RASSF8: variants seen among roughly 807,000 people sequenced by gnomAD.
RASSF8 encodes the protein ras association domain-containing protein 8.
RASSF8 carries 22 observed loss-of-function variants against 48.5 expected under a neutral mutation model. That is an observed-to-expected ratio of 0.45 (90% CI 0.32 to 0.65). The LOEUF is 0.65. Among genes scored for constraint, RASSF8 ranks in the 30% least tolerant of loss-of-function variants. The pLI, the probability that RASSF8 is intolerant of heterozygous loss-of-function variation, is 0.03. For synonymous variants in RASSF8, 127 were observed against 171.5 expected (o/e 0.74, Z 2.03); for missense variants, 418 against 489.2 (o/e 0.85, Z 1.37).
chr12:25,958,727 C>A lies in RASSF8; in HGVS notation c.-624C>A. On this transcript the variant is annotated 5_prime_UTR_variant, in exon 1 of 6. Transcript: ENST00000689635. ...CGAGCGGGTCGCCGACTCCTACGCC[C>A]GCGCTCCTCCTACGCCCGCGCTCGT... 6.8e-6 allele frequency: 1 copy of A among 146,830 alleles called. No individual in the cohort carries two copies. The highest frequency in any genetic ancestry group is 2.0e-4 in the South Asian group (1 of 4,978). The allele number at this position is 146,830 out of a possible 1,614,324, so 9.1% of individuals were successfully genotyped here.
rs1943954049 is a variant in RASSF8, at chr12:26,069,432, T to A, written c.*614T>A. The A allele has an allele frequency of 1.0e-6, 1 of 985,456 alleles. No homozygotes were observed. The highest frequency in any genetic ancestry group is 1.2e-6 in the Non-Finnish European group (1 of 829,914). The allele number at this position is 985,456 out of a possible 1,614,324, so 61.0% of individuals were successfully genotyped here. On this transcript the variant is annotated 3_prime_UTR_variant, in exon 6 of 6. Coordinates refer to ENST00000689635, the MANE Select transcript of RASSF8 (RefSeq NM_001394098.1). ...TTAGGTGAAATAATTCAGGGTTTTT[T>A]AAATCTGGAATTTAGTCGTTCCTTT...
At chr12:26,074,002 A>G (rs937961050), downstream of RASSF8, among the ~76,000 whole-genome samples, 1 of 151,058 alleles carries the variant, frequency 6.6e-6, no homozygotes, top group African/African-American at 2.5e-5. Flanking sequence ...AAGTATATAT[A>G]TGAGAATAAT....
intron 2 of RASSF8, among the ~76,000 whole-genome samples, chr12:26,004,054 A>C (rs1201236234): frequency 6.6e-6 from 1 of 152,040 alleles, no homozygotes; most frequent in Admixed American, 6.5e-5. Context: ...ACATATGCCT[A>C]TAGTCCCAGC....
At chr12:26,028,645 A>G (rs1435306574) in intron 2 of RASSF8, among the ~76,000 whole-genome samples, 1 of 152,234 alleles carries the variant, frequency 6.6e-6, no homozygotes, top group Non-Finnish European at 1.5e-5. Flanking sequence ...AACAGAATTG[A>G]AACAAAAGAG....
At chr12:25,980,512 G>A (rs987314037) in intron 1 of RASSF8, among the ~76,000 whole-genome samples, 15 of 152,108 alleles carry the variant, frequency 9.9e-5, no homozygotes, top group African/African-American at 2.4e-4. Flanking sequence ...GATTTTTTTC[G>A]GGGATTGAGA....
At chr12:25,965,837 G>A (rs1489044237) in intron 1 of RASSF8, among the ~76,000 whole-genome samples, 9 of 152,182 alleles carry the variant, frequency 5.9e-5, no homozygotes, top group Admixed American at 5.2e-4. Flanking sequence ...ATGGTTTGGA[G>A]ATTCATTCAT....
At chr12:25,990,875 T>C (rs973850397) in intron 1 of RASSF8, among the ~76,000 whole-genome samples, 7 of 152,182 alleles carry the variant, frequency 4.6e-5, no homozygotes, top group African/African-American at 1.7e-4. Flanking sequence ...AAACGGGTTT[T>C]CTCTTTTCAA....
chr12:26,024,831 CCT>C (rs1942869549), intron 2 of RASSF8, among the ~76,000 whole-genome samples: 1 of 152,008 alleles, frequency 6.6e-6, no homozygotes, highest in South Asian at 2.1e-4. Flanking sequence ...GTGGCGGGCG[CCT>C]GTAGCCCCAG....
At chr12:25,965,363 CTTTTTTTTTT>C (rs11420016) in intron 1 of RASSF8, among the ~76,000 whole-genome samples, 1 of 116,892 alleles carries the variant, frequency 8.6e-6, no homozygotes, top group Non-Finnish European at 1.7e-5. Context: ...TCCCAAATTT[CTTTTTTTTTT>C]TTTTTTTTTT....
intron 1 of RASSF8, among the ~76,000 whole-genome samples, chr12:25,981,035 G>C (rs1941729999): frequency 1.3e-5 from 2 of 152,144 alleles, no homozygotes; most frequent in African/African-American, 2.4e-5. Flanking sequence ...TTTATTAAAA[G>C]AGGGAAGTGT....
Position 26,055,315 on chromosome 12 carries a change from A to G in RASSF8, c.-29A>G. 1 of 1,577,516 alleles carries G rather than the reference A, an allele frequency of 6.3e-7. No individual in the cohort carries two copies. Among genetic ancestry groups the G allele is most frequent in the Non-Finnish European group, 8.7e-7 (1 of 1,146,768 alleles). On this transcript the variant is annotated 5_prime_UTR_variant, in exon 3 of 6. Transcript: ENST00000689635. ...ACCTAACACCCTGATGACCACTCTC[A>G]GGGACCTTGAGTGACTGGCCGGTGC... is the stretch of plus-strand genomic sequence containing the variant.
chr12:26,052,125 C>T (rs141237515), intron 2 of RASSF8, among the ~76,000 whole-genome samples: 7 of 152,328 alleles, frequency 4.6e-5, no homozygotes, highest in South Asian at 4.1e-4. Context: ...ACACCCTGTG[C>T]GTATCCACAA....
chr12:26,041,113 C>T (rs890290894), intron 2 of RASSF8, among the ~76,000 whole-genome samples: 2 of 151,786 alleles, frequency 1.3e-5, no homozygotes, highest in African/African-American at 2.4e-5. Context: ...AGGATGGTCT[C>T]GATCTCCTGA....
intron 2 of RASSF8, among the ~76,000 whole-genome samples, chr12:26,053,404 C>T (rs973461846): frequency 6.6e-6 from 1 of 151,866 alleles, no homozygotes; most frequent in Non-Finnish European, 1.5e-5. Flanking sequence ...TAATTTTATC[C>T]CAAGAAAGAA....
intron 2 of RASSF8, among the ~76,000 whole-genome samples, chr12:26,023,682 A>C (rs1268438561): frequency 6.6e-6 from 1 of 151,998 alleles, no homozygotes; most frequent in Non-Finnish European, 1.5e-5. Context: ...ACAAAAAACA[A>C]AAAAAAACAG....
intron 2 of RASSF8, among the ~76,000 whole-genome samples, chr12:25,999,634 G>A (rs908424834): frequency 6.6e-6 from 1 of 152,052 alleles, no homozygotes; most frequent in African/African-American, 2.4e-5. Context: ...AGGCTGAGGT[G>A]GGAGGATTAC....
At chr12:26,020,588 A>ATG (rs1942765308) in intron 2 of RASSF8, 4 of 152,212 alleles carry the variant, frequency 2.6e-5, no homozygotes, top group Admixed American at 6.5e-5. Context: ...GAGCTGAGCT[A>ATG]TCTGCTGTGA....
intron 2 of RASSF8, among the ~76,000 whole-genome samples, chr12:26,025,809 T>C (rs892710212): frequency 6.6e-6 from 1 of 151,832 alleles, no homozygotes; most frequent in Non-Finnish European, 1.5e-5. Context: ...AAGAATAAAA[T>C]GCTTAGGAAT....
intron 3 of RASSF8, among the ~76,000 whole-genome samples, chr12:26,057,100 TTGTGTGTG>T (rs57510363): frequency 1.6e-5 from 2 of 128,842 alleles, no homozygotes; most frequent in East Asian, 2.1e-4. Flanking sequence ...AATGACACTT[TTGTGTGTG>T]TGTGTGTGTG....
Sources: allele counts gnomAD v4.1 joint callset (sites outside exome capture counted in the v4.1 genomes callset), GRCh38; gene constraint gnomAD v4.1.1; transcripts MANE v1.5; gene names NCBI Gene and HGNC (gene_info 2026-07-23, HGNC 2026-07-21).